PPP4R3B: variants seen among roughly 807,000 people sequenced by gnomAD.
PPP4R3B encodes the protein serine/threonine-protein phosphatase 4 regulatory subunit 3B.
A neutral mutation model predicts 95.4 loss-of-function variants in PPP4R3B; 52 were observed. The ratio of observed to expected loss-of-function variants is 0.54; its 90% confidence interval spans 0.44 to 0.69. The LOEUF (loss-of-function observed/expected upper bound fraction) is 0.69, where lower values mean the gene tolerates loss of function less well. Among genes scored for constraint, PPP4R3B ranks in the 30% least tolerant of loss-of-function variants. The probability of loss-of-function intolerance (pLI) is 0.00; values close to 1 mark genes in which losing one functional copy is unlikely to be tolerated. For missense variants in PPP4R3B, 1,003 were observed against 1,005.9 expected, an observed-to-expected ratio of 1.00 and a Z score of 0.04; for synonymous variants, 407 against 343.9, an observed-to-expected ratio of 1.18 and a Z score of -2.03.
At chr2:55,583,781 A>T (rs916862793) in intron 7 of PPP4R3B, among the ~76,000 whole-genome samples, 6 of 152,176 alleles carry the variant, frequency 3.9e-5, no homozygotes, top group Non-Finnish European at 7.3e-5. Flanking sequence ...ATTGAAAATA[A>T]CTAACAAACA....
chr2:55,594,282 T>C (rs1289484150), intron 4 of PPP4R3B, among the ~76,000 whole-genome samples: 4 of 142,560 alleles, frequency 2.8e-5, no homozygotes, highest in Non-Finnish European at 6.1e-5. Context: ...AATAAGCCTA[T>C]GTGCCCTCTG....
chr2:55,564,364 G>A lies in PPP4R3B; in HGVS notation c.2209C>T (p.Pro737Ser), dbSNP rs775482180. The change falls in exon 15 of 17, where the codon CCA (proline) becomes TCA (serine). Residue 737 changes from proline to serine, a missense_variant. By Grantham distance (74) the Pro-to-Ser change is moderately conservative. Around this residue, in one of 3 missense-constraint regions of PPP4R3B, gnomAD observed 229 missense variants for 194.7 expected, o/e 1.18. Coordinates refer to ENST00000616407, the MANE Select transcript of PPP4R3B (RefSeq NM_001122964.3). ...TAATTATCTGGAAAATCATCTTCTG[G>A]CTTAGGTTTTTCCACTGGTGCCACA... ...AVVAPVEKPKPEDDFPDNYEK... is the reference protein window; with the variant it reads ...AVVAPVEKPKSEDDFPDNYEK... The A allele has an allele frequency of 1.9e-6, 3 of 1,613,394 alleles. No individual in the cohort carries two copies. The South Asian group carries it at 3.3e-5, about 18-fold the overall frequency.
intron 4 of PPP4R3B, among the ~76,000 whole-genome samples, chr2:55,593,308 AG>A (rs1302489740): frequency 1.3e-5 from 2 of 152,246 alleles, no homozygotes; most frequent in Non-Finnish European, 2.9e-5. Flanking sequence ...AACATGTATT[AG>A]CACACATACT....
At chr2:55,608,858 G>A (rs922016581) in intron 2 of PPP4R3B, among the ~76,000 whole-genome samples, 2 of 152,046 alleles carry the variant, frequency 1.3e-5, no homozygotes, top group African/African-American at 2.4e-5. Flanking sequence ...GGTGGTATGC[G>A]CCTGCAGTCC....
At chr2:55,586,066 A>C (rs1409779244) in intron 6 of PPP4R3B, among the ~76,000 whole-genome samples, 1 of 152,200 alleles carries the variant, frequency 6.6e-6, no homozygotes, top group Non-Finnish European at 1.5e-5. Context: ...TCTTTTCACT[A>C]AATTTTTTGT....
chr2:55,578,556 A>G (rs1196677306), intron 9 of PPP4R3B, among the ~76,000 whole-genome samples: 1 of 152,086 alleles, frequency 6.6e-6, no homozygotes. Flanking sequence ...ATTTTGGGGA[A>G]TTATTCAGTT....
In PPP4R3B at chr2:55,581,600, T is replaced by C. The variant is rs1261656372; in HGVS notation, c.1332A>G (p.Leu444=). The C allele has an allele frequency of 4.3e-6, 7 of 1,613,328 alleles. No homozygotes were observed. The highest frequency in any genetic ancestry group is 1.3e-5 in the African/African-American group (1 of 74,870). The part of the protein sequence containing the change: ...AVQLMGLLRT[L]IDPENMLATT... ...TAGCCAGCATGTTCTCTGGATCAAT[T>C]AGAGTACGAAGAAGTCCCATTAACT... Residue 444 remains leucine (L), a synonymous_variant, in exon 8 of 17, where the codon CTA becomes CTG. Transcript: ENST00000616407.
At position 55,585,034 on chromosome 2, in the gene PPP4R3B, A is replaced by G. The variant is rs749979750; in HGVS notation, c.1233+17T>C. 2 of 1,565,446 alleles carry G rather than the reference A, an allele frequency of 1.3e-6. No individual in the cohort carries two copies. The highest frequency in any genetic ancestry group is 2.3e-5 in the South Asian group (2 of 88,428). ...CTCTACAGGTAATTCACATAGAACC[A>G]CAGCATTATTACTTACGTCATCACT... On this transcript the variant is annotated intron_variant, in intron 7 of 16. Coordinates refer to ENST00000616407, the MANE Select transcript of PPP4R3B (RefSeq NM_001122964.3).
At chr2:55,576,303 G>C (rs1002174160) in intron 11 of PPP4R3B, among the ~76,000 whole-genome samples, 7 of 152,162 alleles carry the variant, frequency 4.6e-5, no homozygotes, top group Admixed American at 6.5e-5. Flanking sequence ...AGCCGAAATT[G>C]TGCCACTGCA....
chr2:55,610,391 G>A (rs1250464810), intron 2 of PPP4R3B, among the ~76,000 whole-genome samples: 1 of 152,084 alleles, frequency 6.6e-6, no homozygotes, highest in African/African-American at 2.4e-5. Flanking sequence ...TTCTGAACCT[G>A]TGTATTATCA....
At chr2:55,579,807 T>C (rs762735957) in intron 8 of PPP4R3B, 26 bp from the exon 9 acceptor site, 7 of 1,406,604 alleles carry the variant, frequency 5.0e-6, no homozygotes, top group Non-Finnish European at 6.0e-6. Context: ...TTTTAAACAA[T>C]ACTGTTACTT....
At chr2:55,574,381 G>A (rs1688379773) in intron 11 of PPP4R3B, among the ~76,000 whole-genome samples, 1 of 151,656 alleles carries the variant, frequency 6.6e-6, no homozygotes, top group Non-Finnish European at 1.5e-5. Context: ...TGATGGCACT[G>A]AGGAGTTCTT....
intron 13 of PPP4R3B, among the ~76,000 whole-genome samples, chr2:55,566,936 G>A (rs1007384291): frequency 3.3e-5 from 5 of 152,210 alleles, no homozygotes; most frequent in African/African-American, 1.2e-4. Context: ...GAGCCCAGGA[G>A]GTCGAGGCTG....
intron 12 of PPP4R3B, among the ~76,000 whole-genome samples, chr2:55,572,789 G>A (rs374708337): frequency 2.4e-4 from 37 of 152,220 alleles, no homozygotes; most frequent in African/African-American, 8.4e-4. Context: ...GGAGTGGCAA[G>A]AAAGCAAAAA....
At chr2:55,558,303 G>A (rs1686108747) in intron 16 of PPP4R3B, among the ~76,000 whole-genome samples, 1 of 152,154 alleles carries the variant, frequency 6.6e-6, no homozygotes, top group African/African-American at 2.4e-5. Context: ...AAAATAGAAT[G>A]GGGGACAGGG....
At position 55,604,157 on chromosome 2, in the gene PPP4R3B, G is replaced by C. The variant is rs367875998; in HGVS notation, c.199-81C>G. ...GTACAAATAGAAATCAAGAGGACTG[G>C]AAACAACACAGCAATGACAAATGCC... On this transcript the variant is annotated intron_variant, in intron 2 of 16. Transcript: ENST00000616407. 107 of 1,032,302 alleles carry C rather than the reference G, an allele frequency of 1.0e-4. 1 individual carries two copies. The East Asian group carries it at 2.0e-3, about 20-fold the overall frequency. The allele number at this position is 1,032,302 out of a possible 1,614,324, so 63.9% of individuals were successfully genotyped here.
At chr2:55,579,238 T>C (rs1278910927) in intron 9 of PPP4R3B, among the ~76,000 whole-genome samples, 1 of 152,104 alleles carries the variant, frequency 6.6e-6, no homozygotes, top group Admixed American at 6.5e-5. Context: ...CTTGCCCCTA[T>C]ATATTAGCAC....
At chr2:55,564,553 G>C (rs1687044910) in intron 14 of PPP4R3B, 56 bp from the exon 15 acceptor site, 2 of 1,443,154 alleles carry the variant, frequency 1.4e-6, no homozygotes, top group East Asian at 4.8e-5. Flanking sequence ...TCATCAGATT[G>C]AACTGAAGGA....
chr2:55,572,363 A>G (rs1688120228), intron 12 of PPP4R3B, among the ~76,000 whole-genome samples: 1 of 152,224 alleles, frequency 6.6e-6, no homozygotes, highest in Non-Finnish European at 1.5e-5. Context: ...GAAGATGGAC[A>G]TTTTCTCCTC....
Sources: gnomAD v4.1 joint callset for allele counts (sites outside exome capture counted in the v4.1 genomes callset) on GRCh38, gnomAD v4.1.1 for gene constraint, gnomAD v4.1.1 regional missense constraint, MANE v1.5 for transcripts, NCBI Gene and HGNC (gene_info 2026-07-23, HGNC 2026-07-21) for gene names.